Variants in SAPCD2 observed in about 807,000 individuals in gnomAD.
SAPCD2 encodes suppressor APC domain-containing protein 2.
In SAPCD2, 34 loss-of-function variants were observed where a neutral mutation model predicts 37.8. The observed-to-expected ratio is 0.90, with a 90% CI of 0.68 to 1.20. The LOEUF (loss-of-function observed/expected upper bound fraction) is 1.20, where lower values mean the gene tolerates loss of function less well. Ranked by LOEUF, SAPCD2 falls within the 50% of genes most tolerant of loss-of-function variation. The pLI is 0.00. For missense variants in SAPCD2, 572 were observed against 584.7 expected (o/e 0.98, Z 0.22); for synonymous variants, 275 against 270.3 (o/e 1.02, Z -0.17).
chr9:137,069,996 G>A lies in SAPCD2; in HGVS notation c.465C>T (p.Ala155=), dbSNP rs1272387671. 2.5e-6 allele frequency: 3 copies of A among 1,220,782 alleles called. No individual in the cohort carries two copies. Among genetic ancestry groups the A allele is most frequent in the African/African-American group, 1.6e-5 (1 of 63,588 alleles). 75.6% of individuals were successfully genotyped at this position (1,220,782 alleles called of 1,614,324 possible). Residue 155 remains alanine, a synonymous_variant, in exon 1 of 6, where the codon GCC becomes GCT. Transcript: ENST00000409687. ...RAPLAGPSAA[A]RSPEQLCAPA... is the part of the protein sequence containing the mutation. Reference sequence around the variant, plus strand: ...GGGCGCACAGCTGCTCCGGGCTGCGGGCGGCGGCGCTGGGACCGGCCAGAG... The same window carrying A: ...GGGCGCACAGCTGCTCCGGGCTGCGAGCGGCGGCGCTGGGACCGGCCAGAG...
In SAPCD2 at chr9:137,064,316, G is replaced by C; in HGVS notation, c.*343C>G. 1 of 363,904 alleles carries C rather than the reference G, an allele frequency of 2.7e-6. No homozygotes were observed. The highest frequency in any genetic ancestry group is 5.1e-6 in the Non-Finnish European group (1 of 196,072). 22.5% of individuals were successfully genotyped at this position (363,904 alleles called of 1,614,324 possible). ...GGGCAGTGCCTTTCCCTGAAGATGG[G>C]ACCCAGGGCGGCACCGCTGGAAACG... On this transcript the variant is annotated 3_prime_UTR_variant, in exon 6 of 6. Transcript: ENST00000409687.
In SAPCD2 at chr9:137,065,559, T is replaced by G. The variant is rs1204984688; in HGVS notation, c.794A>C (p.Glu265Ala). 1 of 1,609,388 alleles carries G rather than the reference T, an allele frequency of 6.2e-7. No homozygotes were observed. Reference protein sequence around the residue: ...WYQQQLQRVQERQRRLGQSRA... With the variant: ...WYQQQLQRVQARQRRLGQSRA... ...GCTCTGGCCCAGGCGGCGCTGGCGCTCCTGCACTCGTTGCAGCTGCTGCTG... is the reference window on the plus strand; with the variant it reads ...GCTCTGGCCCAGGCGGCGCTGGCGCGCCTGCACTCGTTGCAGCTGCTGCTG... Residue 265 changes from glutamate (E) to alanine (A), a missense_variant, in exon 3 of 6, where the codon GAG (glutamate) becomes GCG (alanine). Transcript: ENST00000409687.
In SAPCD2 at chr9:137,063,791, C is replaced by T. The variant is rs931767819; in HGVS notation, c.*868G>A. ...GGGAGGTGGCCTCTCCCAGCTGAAA[C>T]CTGGGGACAGGCTGGGCGTGAGAGC... On this transcript the variant is annotated 3_prime_UTR_variant, in exon 6 of 6. Coordinates refer to ENST00000409687, the MANE Select transcript of SAPCD2 (RefSeq NM_178448.4). 3.3e-5 allele frequency: 5 copies of T among 152,348 alleles called. No individual in the cohort carries two copies. Among genetic ancestry groups the T allele is most frequent in the African/African-American group, 1.2e-4 (5 of 41,442 alleles). 9.4% of individuals were successfully genotyped at this position (152,348 alleles called of 1,614,324 possible). A position where few individuals can be genotyped will look rare whatever the true frequency, so the allele number is the denominator to read the frequency against.
intron 3 of SAPCD2, 144 bp downstream of exon 3, chr9:137,065,378 G>A: frequency 1.8e-6 from 2 of 1,128,126 alleles, no homozygotes; most frequent in African/African-American, 3.1e-5. Flanking sequence ...GCAGCCACAG[G>A]CGGAGAAAGG....
Sources: allele counts gnomAD v4.1 joint callset, GRCh38; gene constraint gnomAD v4.1.1; transcripts MANE v1.5; gene names NCBI Gene and HGNC (gene_info 2026-07-23, HGNC 2026-07-21).